Variants in CIMIP1 observed in about 807,000 individuals in gnomAD.
CIMIP1 encodes low in lung cancer 1.
chr20:58,155,779 A>G, the CIMIP1 span, among the ~76,000 whole-genome samples: 1 of 152,238 alleles, frequency 6.6e-6, no homozygotes, highest in Admixed American at 6.5e-5. Flanking sequence ...TGCAAGCACC[A>G]TGACCTCCTG....
chr20:58,154,368 T>C, the CIMIP1 span, among the ~76,000 whole-genome samples: 2 of 152,248 alleles, frequency 1.3e-5, no homozygotes, highest in Non-Finnish European at 2.9e-5. Context: ...GATGTTTACA[T>C]GAAATTTTCT....
chr20:58,159,472 G>A, the CIMIP1 span, among the ~76,000 whole-genome samples: 16 of 151,168 alleles, frequency 1.1e-4, no homozygotes, highest in African/African-American at 3.4e-4. Flanking sequence ...CTGAGATTGC[G>A]CCATTGCACC....
At chr20:58,157,466 T>C in the CIMIP1 span, among the ~76,000 whole-genome samples, 2 of 152,236 alleles carry the variant, frequency 1.3e-5, no homozygotes, top group Admixed American at 1.3e-4. Flanking sequence ...CATACACACA[T>C]ACTTTTTAGG....
chr20:58,151,968 T>A, the CIMIP1 span, among the ~76,000 whole-genome samples: 1 of 152,190 alleles, frequency 6.6e-6, no homozygotes, highest in East Asian at 1.9e-4. Flanking sequence ...TATAAGTAAG[T>A]TGTAGTAACA....
chr20:58,160,611 T>C, the CIMIP1 span: 1 of 1,578,414 alleles, frequency 6.3e-7, no homozygotes, highest in Non-Finnish European at 8.6e-7. Context: ...GCTGGGTGCC[T>C]CGTGTCTCTG....
At chr20:58,150,907 A>G in the CIMIP1 span, 1 of 1,527,156 alleles carries the variant, frequency 6.5e-7, no homozygotes, top group Non-Finnish European at 8.9e-7. Flanking sequence ...CTCCCAGGAG[A>G]CGCGAGACGC....
chr20:58,153,117 C>A, the CIMIP1 span, among the ~76,000 whole-genome samples: 1 of 152,144 alleles, frequency 6.6e-6, no homozygotes, highest in Non-Finnish European at 1.5e-5. Context: ...GAGGCACTTG[C>A]GCTGCAATAT....
At chr20:58,160,721 G>A in the CIMIP1 span, 1 of 1,614,178 alleles carries the variant, frequency 6.2e-7, no homozygotes, top group South Asian at 1.1e-5. Flanking sequence ...GAGATCTGCA[G>A]TGCCAGGCCT....
chr20:58,157,110 C>T, the CIMIP1 span, among the ~76,000 whole-genome samples: 1 of 152,278 alleles, frequency 6.6e-6, no homozygotes, highest in East Asian at 1.9e-4. Flanking sequence ...CACATATAGG[C>T]TCTTACCCAT....
At chr20:58,153,999 A>G in the CIMIP1 span, among the ~76,000 whole-genome samples, 1 of 152,222 alleles carries the variant, frequency 6.6e-6, no homozygotes, top group African/African-American at 2.4e-5. Flanking sequence ...CTGACCTCAG[A>G]CTTCCCATCT....
chr20:58,154,555 G>A, the CIMIP1 span, among the ~76,000 whole-genome samples: 7 of 152,264 alleles, frequency 4.6e-5, no homozygotes, highest in Admixed American at 6.5e-5. Flanking sequence ...CCCATCCTAC[G>A]AGCTTTGAAA....
At chr20:58,150,954 C>T in the CIMIP1 span, 1 of 1,600,064 alleles carries the variant, frequency 6.2e-7, no homozygotes, top group Non-Finnish European at 8.5e-7. Flanking sequence ...CGCACAGAGC[C>T]CCCAGGCCTC....
the CIMIP1 span, chr20:58,151,158 G>C: frequency 7.0e-6 from 6 of 853,890 alleles, no homozygotes; most frequent in African/African-American, 1.7e-5. Context: ...GCAGAGGGGC[G>C]TGCGCTGAGG....
the CIMIP1 span, among the ~76,000 whole-genome samples, chr20:58,155,070 T>C: frequency 6.6e-6 from 1 of 152,198 alleles, no homozygotes; most frequent in African/African-American, 2.4e-5. Context: ...CCTCCCAAAG[T>C]GTTGGGATTA....
At chr20:58,151,125 T>C in the CIMIP1 span, 1 of 1,248,904 alleles carries the variant, frequency 8.0e-7, no homozygotes, top group Non-Finnish European at 1.1e-6. Flanking sequence ...GTCCGGGAAG[T>C]GATCGACCAC....
At chr20:58,160,773 A>G in the CIMIP1 span, 4 of 1,614,036 alleles carry the variant, frequency 2.5e-6, no homozygotes, top group Non-Finnish European at 3.4e-6. Flanking sequence ...AGAAGCTGCA[A>G]AGGTGCTTTT....
the CIMIP1 span, chr20:58,155,435 T>C: frequency 1.1e-5 from 17 of 1,545,076 alleles, no homozygotes; most frequent in Middle Eastern, 3.4e-4. Context: ...CAGCTTCACG[T>C]AAGACTTCCC....
the CIMIP1 span, among the ~76,000 whole-genome samples, chr20:58,160,407 A>C: frequency 6.6e-6 from 1 of 152,218 alleles, no homozygotes; most frequent in Non-Finnish European, 1.5e-5. Flanking sequence ...CTTACCAAAT[A>C]AAAATTATTT....
At chr20:58,154,355 C>T in the CIMIP1 span, among the ~76,000 whole-genome samples, 4 of 152,318 alleles carry the variant, frequency 2.6e-5, no homozygotes, top group South Asian at 8.3e-4. Flanking sequence ...GTCCAGAAAG[C>T]CAGATGTTTA....
Sources: allele counts gnomAD v4.1 joint callset (sites outside exome capture counted in the v4.1 genomes callset), GRCh38; gene constraint gnomAD v4.1.1; transcripts MANE v1.5; gene names NCBI Gene and HGNC (gene_info 2026-07-23, HGNC 2026-07-21).